Variants in ARHGAP31 observed in about 807,000 individuals in gnomAD.
ARHGAP31 encodes rho GTPase-activating protein 31.
ARHGAP31 carries 34 observed loss-of-function variants against 113.9 expected under a neutral mutation model. The ratio of observed to expected loss-of-function variants is 0.30; its 90% CI spans 0.23 to 0.40. ARHGAP31 has a LOEUF of 0.40. Ranked by LOEUF, ARHGAP31 falls within the 10% of genes least tolerant of loss-of-function variation. The pLI is 1.00. For synonymous variants in ARHGAP31, 650 were observed against 684.8 expected (o/e 0.95, Z 0.79); for missense variants, 1,548 against 1,767.1 (o/e 0.88, Z 2.22).
intron 1 of ARHGAP31, among the ~76,000 whole-genome samples, chr3:119,317,210 GCT>G (rs1273755267): frequency 6.7e-5 from 10 of 148,278 alleles, no homozygotes; most frequent in African/African-American, 2.5e-4. Flanking sequence ...ACGGAGTCTC[GCT>G]CTGTCGCCCA....
intron 1 of ARHGAP31, among the ~76,000 whole-genome samples, chr3:119,315,736 G>C (rs533355711): frequency 6.6e-6 from 1 of 152,234 alleles, no homozygotes; most frequent in African/African-American, 2.4e-5. Flanking sequence ...GGAGCTAGCT[G>C]CTGCTGTGGA....
At chr3:119,369,250 G>T (rs2080275913) in intron 3 of ARHGAP31, among the ~76,000 whole-genome samples, 1 of 152,170 alleles carries the variant, frequency 6.6e-6, no homozygotes, top group Non-Finnish European at 1.5e-5. Context: ...CAGAGGGCTG[G>T]GTTTAACCAA....
rs369076345 is a variant in ARHGAP31 at position 119,368,356 on chromosome 3, G to A, written c.204-16G>A. On this transcript the variant is annotated splice_polypyrimidine_tract_variant and intron_variant, in intron 2 of 11. Coordinates refer to ENST00000264245, the MANE Select transcript of ARHGAP31 (RefSeq NM_020754.4). The stretch of plus-strand genomic sequence containing the variant: ...CACTCCCTGGGATTGTTATGTCTCC[G>A]TCTGTGTTGTTTCAGGCAAGAGTTT... 1.4e-5 allele frequency: 23 copies of A among 1,613,880 alleles called. No individual in the cohort carries two copies. The highest frequency in any genetic ancestry group is 1.6e-5 in the Non-Finnish European group (19 of 1,179,986).
chr3:119,405,175 T>A (rs2080648763), intron 10 of ARHGAP31, among the ~76,000 whole-genome samples: 1 of 152,182 alleles, frequency 6.6e-6, no homozygotes, highest in Non-Finnish European at 1.5e-5. Context: ...CCTACAAAAA[T>A]TTGTTTTGCC....
At chr3:119,303,026 G>A (rs2107593652) in intron 1 of ARHGAP31, among the ~76,000 whole-genome samples, 1 of 152,164 alleles carries the variant, frequency 6.6e-6, no homozygotes, top group African/African-American at 2.4e-5. Flanking sequence ...TTCACCTCTT[G>A]GAATACCCAC....
intron 1 of ARHGAP31, among the ~76,000 whole-genome samples, chr3:119,296,355 C>A (rs2079533651): frequency 6.6e-6 from 1 of 152,222 alleles, no homozygotes; most frequent in South Asian, 2.1e-4. Context: ...TCCTCACCAA[C>A]CATCTGGAGA....
chr3:119,294,531 A>T lies in ARHGAP31; in HGVS notation c.-374A>T, dbSNP rs2079514702. The T allele has an allele frequency of 1.5e-5, 7 of 457,650 alleles. No individual in the cohort carries two copies. The highest frequency in any genetic ancestry group is 2.6e-5 in the Non-Finnish European group (7 of 266,010). 28.3% of individuals were successfully genotyped at this position (457,650 alleles called of 1,614,324 possible). On this transcript the variant is annotated 5_prime_UTR_variant, in exon 1 of 12. Coordinates refer to ENST00000264245, the MANE Select transcript of ARHGAP31 (RefSeq NM_020754.4). ...CCCGCGTCCGCGTCGTCTCCGGGGCACTTAGTAAGGGGTGGGGAGAGCTTG... is the reference window on the plus strand; with the variant it reads ...CCCGCGTCCGCGTCGTCTCCGGGGCTCTTAGTAAGGGGTGGGGAGAGCTTG...
chr3:119,359,839 T>TCACAG (rs2080190481), intron 1 of ARHGAP31, among the ~76,000 whole-genome samples: 1 of 151,992 alleles, frequency 6.6e-6, no homozygotes, highest in Admixed American at 6.5e-5. Context: ...GGGGGCCCAT[T>TCACAG]CACAGCACAG....
chr3:119,360,074 C>T (rs939508116), intron 1 of ARHGAP31, among the ~76,000 whole-genome samples: 1 of 152,282 alleles, frequency 6.6e-6, no homozygotes, highest in South Asian at 2.1e-4. Context: ...TGTCATTCCT[C>T]CCTCCTGCCT....
At chr3:119,375,627 A>G (rs1208793619) in intron 3 of ARHGAP31, among the ~76,000 whole-genome samples, 1 of 152,234 alleles carries the variant, frequency 6.6e-6, no homozygotes, top group Admixed American at 6.5e-5. Context: ...TTATCAGAAA[A>G]TAACAACAAC....
chr3:119,391,520 T>C (rs1159290499), intron 7 of ARHGAP31, among the ~76,000 whole-genome samples: 2 of 151,984 alleles, frequency 1.3e-5, no homozygotes, highest in African/African-American at 4.8e-5. Context: ...TCAAGCATTG[T>C]TTTCATTGGT....
chr3:119,380,550 C>T (rs1481507864), intron 3 of ARHGAP31, among the ~76,000 whole-genome samples: 2 of 151,846 alleles, frequency 1.3e-5, no homozygotes, highest in Non-Finnish European at 2.9e-5. Flanking sequence ...CATGCTGGGC[C>T]TATCTCTATC....
intron 1 of ARHGAP31, among the ~76,000 whole-genome samples, chr3:119,311,800 G>C (rs1213814559): frequency 6.6e-6 from 1 of 152,218 alleles, no homozygotes; most frequent in South Asian, 2.1e-4. Context: ...TATGATGGAC[G>C]TATCTTCAAC....
intron 2 of ARHGAP31, among the ~76,000 whole-genome samples, 158 bp downstream of exon 2, chr3:119,365,576 TC>T (rs2080246713): frequency 6.6e-6 from 1 of 152,216 alleles, no homozygotes; most frequent in Non-Finnish European, 1.5e-5. Flanking sequence ...GCCTGACTGT[TC>T]TTAATCTAAT....
At chr3:119,323,361 T>G (rs1178936162) in intron 1 of ARHGAP31, among the ~76,000 whole-genome samples, 3 of 152,112 alleles carry the variant, frequency 2.0e-5, no homozygotes, top group African/African-American at 7.2e-5. Flanking sequence ...CGGATGGGCT[T>G]CTCGCGCCCC....
intron 1 of ARHGAP31, among the ~76,000 whole-genome samples, chr3:119,326,250 A>G (rs1285375231): frequency 6.6e-6 from 1 of 152,198 alleles, no homozygotes; most frequent in Admixed American, 6.5e-5. Flanking sequence ...GTGTGTAGGC[A>G]CATTTGAAGA....
At chr3:119,393,408 A>T in intron 7 of ARHGAP31, 59 bp from the exon 8 acceptor site, 1 of 1,604,908 alleles carries the variant, frequency 6.2e-7, no homozygotes, top group Non-Finnish European at 8.5e-7. Context: ...GTCTCAATTT[A>T]AAAGTCCCCT....
chr3:119,383,085 T>G lies in ARHGAP31; in HGVS notation c.541T>G (p.Ser181Ala), dbSNP rs2080416269. 1.9e-6 allele frequency: 3 copies of G among 1,614,022 alleles called. No homozygotes were observed. Among genetic ancestry groups the G allele is most frequent in the Admixed American group, 1.7e-5 (1 of 60,010 alleles). The change falls in exon 6 of 12, where the codon TCT becomes GCT. Residue 181 changes from serine (S) to alanine (A), a missense_variant and splice_region_variant. Transcript: ENST00000264245. Reference protein sequence around the residue: ...ALVWAPNLLRSKEIEATGCNG... With the variant: ...ALVWAPNLLRAKEIEATGCNG... ...GAATATGTTTCTTCCACACGGTAGGTCTAAAGAAATTGAAGCCACTGGTTG... is the reference window on the plus strand; with the variant it reads ...GAATATGTTTCTTCCACACGGTAGGGCTAAAGAAATTGAAGCCACTGGTTG...
chr3:119,406,451 G>A (rs146047146), intron 10 of ARHGAP31, among the ~76,000 whole-genome samples: 9 of 152,282 alleles, frequency 5.9e-5, no homozygotes, highest in African/African-American at 1.2e-4. Flanking sequence ...ATGTTTGCAC[G>A]TCATGGCATT....
Sources: allele counts gnomAD v4.1 joint callset (sites outside exome capture counted in the v4.1 genomes callset), GRCh38; gene constraint gnomAD v4.1.1; transcripts MANE v1.5; gene names NCBI Gene and HGNC (gene_info 2026-07-23, HGNC 2026-07-21).